MTMR8: variants seen among roughly 807,000 people sequenced by gnomAD.
MTMR8 encodes the protein myotubularin related protein 8.
MTMR8 carries 65 observed loss-of-function variants against 39.3 expected under a neutral mutation model. The observed-to-expected ratio is 1.65, with a 90% CI of 1.35 to 2.03. The LOEUF is 2.03. Ranked by LOEUF, MTMR8 falls within the 30% of genes most tolerant of loss-of-function variation. The pLI is 0.00. For missense variants in MTMR8, 777 were observed against 538.9 expected (o/e 1.44, Z -4.37); for synonymous variants, 245 against 185.2 (o/e 1.32, Z -2.62).
rs181687463 is a variant in MTMR8, at chrX:64,307,179, G to A, written c.1481+21593C>T. On this transcript the variant is annotated intron_variant, in intron 12 of 13. Coordinates refer to ENST00000374852, the MANE Select transcript of MTMR8 (RefSeq NM_017677.4). Reference sequence around the variant, plus strand: ...TAGATACTAGTTTGTTACTGGATACGTTATTTGTAGTATTTTCTCCCAGTC... The same window carrying A: ...TAGATACTAGTTTGTTACTGGATACATTATTTGTAGTATTTTCTCCCAGTC... 5.4e-5 allele frequency among the ~76,000 whole-genome samples: 6 copies of A among 111,915 alleles called. No individual in the cohort carries two copies. In the East Asian group the frequency reaches 1.4e-3, roughly 26 times the overall value.
chrX:64,274,781 T>A (rs1412143605), intron 12 of MTMR8, among the ~76,000 whole-genome samples: 1 of 112,093 alleles, frequency 8.9e-6, no homozygotes, highest in Non-Finnish European at 1.9e-5. Flanking sequence ...CGGAGGACAC[T>A]ATGTAAGTGA....
intron 12 of MTMR8, among the ~76,000 whole-genome samples, chrX:64,325,697 A>C (rs1370549046): frequency 8.9e-5 from 10 of 112,611 alleles, no homozygotes; most frequent in Non-Finnish European, 1.5e-4. Context: ...GAACAGGGAA[A>C]AGTTGGAAGC....
intron 12 of MTMR8, among the ~76,000 whole-genome samples, chrX:64,272,691 C>T (rs916113802): frequency 9.1e-6 from 1 of 110,319 alleles, no homozygotes; most frequent in African/African-American, 3.3e-5. Context: ...GACCAAAACA[C>T]GATGAATCTA....
At chrX:64,390,831 A>T (rs763312444) in intron 1 of MTMR8, among the ~76,000 whole-genome samples, 24 of 109,867 alleles carry the variant, frequency 2.2e-4, no homozygotes, top group Middle Eastern at 4.6e-3. Context: ...AATTTTTTTT[A>T]ATTTTTTGTA....
chrX:64,333,270 C>T (rs993793821), intron 10 of MTMR8, among the ~76,000 whole-genome samples: 6 of 111,620 alleles, frequency 5.4e-5, no homozygotes, highest in Non-Finnish European at 9.4e-5. Flanking sequence ...CTTTACAGCT[C>T]ATACAAATTT....
intron 4 of MTMR8, 140 bp downstream of exon 4, chrX:64,354,637 T>C: frequency 1.7e-6 from 1 of 599,578 alleles, no homozygotes; most frequent in Non-Finnish European, 2.5e-6. Flanking sequence ...ACTCAATAAA[T>C]GTCTGTTGAA....
At chrX:64,273,155 AT>A (rs1286155405) in intron 12 of MTMR8, among the ~76,000 whole-genome samples, 1 of 112,088 alleles carries the variant, frequency 8.9e-6, no homozygotes, top group African/African-American at 3.2e-5. Flanking sequence ...ATATAAACTA[AT>A]AAAGAATACT....
chrX:64,386,180 T>C (rs138082349), intron 1 of MTMR8, among the ~76,000 whole-genome samples: 101 of 112,085 alleles, frequency 9.0e-4, no homozygotes, highest in African/African-American at 3.2e-3. Flanking sequence ...CCTTACAAAA[T>C]ACACTGTTCT....
chrX:64,291,421 A>T (rs1164921674), intron 12 of MTMR8, among the ~76,000 whole-genome samples: 1 of 110,631 alleles, frequency 9.0e-6, no homozygotes, highest in Admixed American at 9.7e-5. Context: ...AGCCCCTCTG[A>T]TATTCCTCTT....
At chrX:64,358,638 T>C (rs1031544548) in intron 2 of MTMR8, among the ~76,000 whole-genome samples, 1 of 111,379 alleles carries the variant, frequency 9.0e-6, no homozygotes, top group Non-Finnish European at 1.9e-5. Flanking sequence ...TCTAAAGCTT[T>C]AATCACTAAG....
chrX:64,304,403 G>C (rs1922008769), intron 12 of MTMR8, among the ~76,000 whole-genome samples: 2 of 111,609 alleles, frequency 1.8e-5, no homozygotes, highest in South Asian at 7.6e-4. Context: ...CCAGGACTAG[G>C]AGTCTAATTC....
intron 12 of MTMR8, among the ~76,000 whole-genome samples, chrX:64,289,498 G>T (rs1421978101): frequency 9.2e-6 from 1 of 108,925 alleles, no homozygotes; most frequent in Non-Finnish European, 1.9e-5. Context: ...TTAGCTGGGC[G>T]TGGTGGCACA....
At chrX:64,300,874 T>C (rs1921839534) in intron 12 of MTMR8, among the ~76,000 whole-genome samples, 1 of 110,814 alleles carries the variant, frequency 9.0e-6, no homozygotes, top group African/African-American at 3.3e-5. Flanking sequence ...GGGTTGAAAA[T>C]TCTTTCCTTT....
At chrX:64,350,682 A>C (rs1923465283) in intron 4 of MTMR8, among the ~76,000 whole-genome samples, 1 of 111,199 alleles carries the variant, frequency 9.0e-6, no homozygotes, top group African/African-American at 3.3e-5. Context: ...CTAGGTTCCT[A>C]GTGTTCATAT....
At chrX:64,344,939 G>A (rs1923310173) in intron 7 of MTMR8, 106 bp downstream of exon 7, 1 of 855,708 alleles carries the variant, frequency 1.2e-6, no homozygotes, top group Admixed American at 2.8e-5. Context: ...TATTGACTCT[G>A]CTCACCTGCT....
intron 12 of MTMR8, among the ~76,000 whole-genome samples, chrX:64,291,896 C>T (rs975612807): frequency 2.7e-5 from 3 of 111,447 alleles, no homozygotes; most frequent in African/African-American, 9.8e-5. Context: ...GAGAGAGGCA[C>T]CAAGCTGCCC....
intron 13 of MTMR8, 48 bp downstream of exon 13, chrX:64,270,899 C>T: frequency 1.5e-5 from 18 of 1,185,691 alleles, no homozygotes; most frequent in Non-Finnish European, 2.0e-5. Flanking sequence ...CAGGCTGGAC[C>T]TACCCAGAAG....
chrX:64,348,155 G>A lies in MTMR8; in HGVS notation c.732+505C>T, dbSNP rs186526293. Among the ~76,000 whole-genome samples, 65 of 111,373 alleles carry A rather than the reference G, an allele frequency of 5.8e-4. 1 individual carries two copies. The East Asian group carries it at 0.014, about 24-fold the overall frequency. ...TGCTAAAAAAGAATTACTGCCATAT[G>A]AGCTAAAGATTTTTTGTTAATTGCA... On this transcript the variant is annotated intron_variant, in intron 6 of 13. Transcript: ENST00000374852.
chrX:64,288,233 G>A (rs756644945), intron 12 of MTMR8, among the ~76,000 whole-genome samples: 2 of 109,896 alleles, frequency 1.8e-5, no homozygotes, highest in Admixed American at 2.0e-4. Context: ...AGACATTTAT[G>A]CAGCCAACAG....
Sources: allele counts gnomAD v4.1 joint callset (sites outside exome capture counted in the v4.1 genomes callset), GRCh38; gene constraint gnomAD v4.1.1; transcripts MANE v1.5; gene names NCBI Gene and HGNC (gene_info 2026-07-23, HGNC 2026-07-21).